KCNIP4: variants seen among roughly 807,000 people sequenced by gnomAD.
The protein encoded by KCNIP4 is Kv channel-interacting protein 4.
A neutral mutation model predicts 34.0 loss-of-function variants in KCNIP4; 12 were observed. The observed-to-expected ratio is 0.35, with a 90% CI of 0.23 to 0.57. The LOEUF is 0.57. Among genes scored for constraint, KCNIP4 ranks in the 20% least tolerant of loss-of-function variants. The pLI is 0.83. For missense variants in KCNIP4, 238 were observed against 311.7 expected (o/e 0.76, Z 1.78); for synonymous variants, 124 against 102.2 (o/e 1.21, Z -1.29).
chr4:21,522,379 C>A (rs1159985285), intron 1 of KCNIP4, among the ~76,000 whole-genome samples: 11 of 151,400 alleles, frequency 7.3e-5, no homozygotes, highest in Non-Finnish European at 1.6e-4. Flanking sequence ...GCAGCCTCAA[C>A]TTTTTTTTTC....
intron 1 of KCNIP4, among the ~76,000 whole-genome samples, chr4:21,077,708 C>A (rs1048639941): frequency 1.3e-5 from 2 of 152,050 alleles, no homozygotes; most frequent in Non-Finnish European, 2.9e-5. Flanking sequence ...AATAAATGTG[C>A]TTATTACTAT....
chr4:20,746,377 T>TG (rs376605800), intron 5 of KCNIP4, among the ~76,000 whole-genome samples: 2 of 147,430 alleles, frequency 1.4e-5, no homozygotes, highest in African/African-American at 2.5e-5. Flanking sequence ...TGTCGGAGGG[T>TG]GGGGGGCTAG....
At chr4:21,810,021 C>T (rs1398232149) in intron 1 of KCNIP4, among the ~76,000 whole-genome samples, 1 of 152,042 alleles carries the variant, frequency 6.6e-6, no homozygotes, top group Non-Finnish European at 1.5e-5. Flanking sequence ...AACCGTTTTA[C>T]AAGCAAAGAC....
chr4:21,759,281 G>T (rs534604503), intron 1 of KCNIP4, among the ~76,000 whole-genome samples: 2 of 152,170 alleles, frequency 1.3e-5, no homozygotes, highest in Middle Eastern at 3.4e-3. Flanking sequence ...GTATAATTTT[G>T]CCCATTTTGA....
chr4:21,887,865 A>G (rs1726869619), intron 1 of KCNIP4, among the ~76,000 whole-genome samples: 1 of 152,192 alleles, frequency 6.6e-6, no homozygotes, highest in Admixed American at 6.6e-5. Flanking sequence ...GCTGATCATA[A>G]AAAGTCTTTG....
chr4:21,665,422 A>C (rs1748774641), intron 1 of KCNIP4, among the ~76,000 whole-genome samples: 1 of 152,180 alleles, frequency 6.6e-6, no homozygotes, highest in Admixed American at 6.6e-5. Context: ...ATATTGCTAA[A>C]AAACCTAACT....
chr4:21,667,364 C>A (rs1210080960), intron 1 of KCNIP4, among the ~76,000 whole-genome samples: 2 of 152,204 alleles, frequency 1.3e-5, no homozygotes, highest in Non-Finnish European at 1.5e-5. Context: ...AAATCTCTCA[C>A]ATGCTCTGCT....
intron 2 of KCNIP4, among the ~76,000 whole-genome samples, chr4:20,855,417 G>C (rs12505671): frequency 0.32 from 49,080 of 151,938 alleles, 9,174 homozygotes; most frequent in Admixed American, 0.44. Context: ...ATAACAGTCA[G>C]CTCCTCTCAT....
chr4:21,501,141 A>G (rs1031711735), intron 1 of KCNIP4, among the ~76,000 whole-genome samples: 1 of 152,002 alleles, frequency 6.6e-6, no homozygotes, highest in Non-Finnish European at 1.5e-5. Flanking sequence ...AAGATGTTAG[A>G]GTTCTATGCC....
Position 21,016,416 on chromosome 4 carries a change from A to G in KCNIP4, c.62-133707T>C, listed in dbSNP as rs1470180636. Among the ~76,000 whole-genome samples the G allele has an allele frequency of 6.0e-5, 9 of 150,488 alleles. No individual in the cohort carries two copies. The Admixed American group carries it at 6.0e-4, about 10-fold the overall frequency. Reference sequence around the variant, plus strand: ...CGGGTTCACGCCATTCTCCTGCCTCATCCTGAGTAGCTGGGACTACAGGTG... The same window carrying G: ...CGGGTTCACGCCATTCTCCTGCCTCGTCCTGAGTAGCTGGGACTACAGGTG... On this transcript the variant is annotated intron_variant, in intron 1 of 8. Coordinates refer to ENST00000382152, the MANE Select transcript of KCNIP4 (RefSeq NM_025221.6).
At chr4:21,434,572 A>G (rs971185954) in intron 1 of KCNIP4, among the ~76,000 whole-genome samples, 3 of 152,146 alleles carry the variant, frequency 2.0e-5, no homozygotes, top group East Asian at 1.9e-4. Context: ...GTGGCAGGCA[A>G]GTGAGCATTA....
intron 1 of KCNIP4, among the ~76,000 whole-genome samples, chr4:21,567,972 T>A (rs1740046373): frequency 6.6e-6 from 1 of 152,122 alleles, no homozygotes; most frequent in Non-Finnish European, 1.5e-5. Flanking sequence ...GTAGCATATA[T>A]TTATGGCCAT....
chr4:21,390,205 C>A (rs944185419), intron 1 of KCNIP4, among the ~76,000 whole-genome samples: 1 of 152,012 alleles, frequency 6.6e-6, no homozygotes, highest in Non-Finnish European at 1.5e-5. Context: ...GATATTAGCC[C>A]TTTGTCAGAT....
At chr4:21,435,189 G>T (rs1293533613) in intron 1 of KCNIP4, among the ~76,000 whole-genome samples, 1 of 152,128 alleles carries the variant, frequency 6.6e-6, no homozygotes, top group Non-Finnish European at 1.5e-5. Context: ...AACTTAAATT[G>T]TTTTGATATA....
chr4:21,758,217 G>A (rs1717799104), intron 1 of KCNIP4, among the ~76,000 whole-genome samples: 1 of 152,214 alleles, frequency 6.6e-6, no homozygotes, highest in Non-Finnish European at 1.5e-5. Context: ...TGGGGATACA[G>A]AGGTGAATAA....
chr4:20,745,294 A>T (rs1472564257), intron 5 of KCNIP4, among the ~76,000 whole-genome samples: 1 of 152,068 alleles, frequency 6.6e-6, no homozygotes, highest in Non-Finnish European at 1.5e-5. Context: ...CATCTAATTC[A>T]CATCTTCTTG....
chr4:20,861,970 G>GTTGTTATTA (rs1491173071), intron 2 of KCNIP4, among the ~76,000 whole-genome samples: 2 of 142,100 alleles, frequency 1.4e-5, no homozygotes, highest in East Asian at 4.1e-4. Flanking sequence ...TATGGTAGGA[G>GTTGTTATTA]TTATTATTAT....
At chr4:21,698,260 T>G (rs1020499777) in intron 1 of KCNIP4, among the ~76,000 whole-genome samples, 17 of 152,194 alleles carry the variant, frequency 1.1e-4, no homozygotes, top group Non-Finnish European at 4.4e-5. Context: ...TATTTGGAAA[T>G]TAGGATACAT....
intron 3 of KCNIP4, among the ~76,000 whole-genome samples, chr4:20,792,123 C>T (rs999756665): frequency 1.3e-5 from 2 of 152,146 alleles, no homozygotes; most frequent in African/African-American, 2.4e-5. Context: ...CCTATAATCC[C>T]AGCACTTTGA....
Sources: gnomAD v4.1 joint callset for allele counts (sites outside exome capture counted in the v4.1 genomes callset) on GRCh38, gnomAD v4.1.1 for gene constraint, MANE v1.5 for transcripts, NCBI Gene and HGNC (gene_info 2026-07-23, HGNC 2026-07-21) for gene names.